USP54: variants seen among roughly 807,000 people sequenced by gnomAD.
The protein encoded by USP54 is ubiquitin carboxyl-terminal hydrolase 54.
USP54 carries 87 observed loss-of-function variants against 170.5 expected under a neutral mutation model. That is an observed-to-expected ratio of 0.51 (90% confidence interval 0.43 to 0.61). The LOEUF (loss-of-function observed/expected upper bound fraction) is 0.61. Among genes scored for constraint, USP54 ranks in the 20% least tolerant of loss-of-function variants. The probability of loss-of-function intolerance (pLI) is 0.00; values close to 1 mark genes in which losing one functional copy is unlikely to be tolerated. For synonymous variants in USP54, 655 were observed against 742.8 expected, an observed-to-expected ratio of 0.88 and a Z score of 1.92; for missense variants, 1,786 against 2,047.8, an observed-to-expected ratio of 0.87 and a Z score of 2.47.
chr10:73,570,554 T>C lies in USP54; in HGVS notation c.240+867A>G, dbSNP rs180736644. ...CATTACTCTCTTTTCCTTTTTCTTT[T>C]TTTTTTTTTTTTTTGAGCCAGGGTC... On this transcript the variant is annotated intron_variant, in intron 4 of 23. Transcript: ENST00000687698. Among the ~76,000 whole-genome samples the C allele has an allele frequency of 3.5e-3, 520 of 147,978 alleles. 5 individuals are homozygous for C. Among genetic ancestry groups the C allele is most frequent in the African/African-American group, 0.012 (486 of 40,766 alleles).
chr10:73,550,541 G>A (rs778377371), intron 4 of USP54, among the ~76,000 whole-genome samples: 2 of 152,026 alleles, frequency 1.3e-5, no homozygotes, highest in Admixed American at 1.3e-4. Flanking sequence ...CCAATATTGA[G>A]AATATAAGAC....
intron 16 of USP54, among the ~76,000 whole-genome samples, chr10:73,524,142 G>A (rs1429062390): frequency 2.0e-5 from 3 of 150,366 alleles, no homozygotes; most frequent in Non-Finnish European, 3.0e-5. Context: ...TCCTGACCTC[G>A]TGATCCACCC....
At chr10:73,595,396 G>A (rs2078644704), upstream of USP54, among the ~76,000 whole-genome samples, 1 of 152,178 alleles carries the variant, frequency 6.6e-6, no homozygotes. Flanking sequence ...TTTCACTCAA[G>A]TATGCATTAC....
chr10:73,517,056 T>G lies in USP54; in HGVS notation c.3370A>C (p.Ser1124Arg). The G allele has an allele frequency of 8.7e-6, 14 of 1,614,220 alleles. No individual in the cohort carries two copies. Among genetic ancestry groups the G allele is most frequent in the Non-Finnish European group, 1.1e-5 (13 of 1,180,046 alleles). Reference sequence around the variant, plus strand: ...AGAGAACGGACAAGCCCCTTTGTGCTGGGAAACTCTGGCCTATAGGTCTCC... The same window carrying G: ...AGAGAACGGACAAGCCCCTTTGTGCGGGGAAACTCTGGCCTATAGGTCTCC... Reference protein sequence around the residue: ...SEETYRPEFPSTKGLVRSLAE... With the variant: ...SEETYRPEFPRTKGLVRSLAE... The change falls in exon 20 of 24, where the codon AGC becomes CGC. Residue 1124 changes from serine (S) to arginine (R), a missense_variant. Coordinates refer to ENST00000687698, the MANE Select transcript of USP54 (RefSeq NM_001391956.1).
At chr10:73,500,918 C>G in intron 22 of USP54, 80 bp from the exon 23 acceptor site, 1 of 1,458,282 alleles carries the variant, frequency 6.9e-7, no homozygotes. Flanking sequence ...CACAGTGAGG[C>G]AAGCAAAGGG....
chr10:73,621,757 T>C (rs1451507500), intron 1 of USP54, among the ~76,000 whole-genome samples: 1 of 152,172 alleles, frequency 6.6e-6, no homozygotes, highest in East Asian at 1.9e-4. Flanking sequence ...AATTGCTTGC[T>C]ACAACTATTT....
intron 4 of USP54, among the ~76,000 whole-genome samples, chr10:73,549,800 T>A (rs982082265): frequency 6.6e-6 from 1 of 152,198 alleles, no homozygotes; most frequent in Non-Finnish European, 1.5e-5. Flanking sequence ...TATGATTTTT[T>A]AAAAATATAA....
Position 73,516,594 on chromosome 10 carries a change from C to T in USP54, c.3832G>A (p.Ala1278Thr). 4 of 1,614,196 alleles carry T rather than the reference C, an allele frequency of 2.5e-6. No homozygotes were observed. The highest frequency in any genetic ancestry group is 3.4e-6 in the Non-Finnish European group (4 of 1,180,044). The change falls in exon 20 of 24, where the codon GCA (alanine) becomes ACA (threonine). Residue 1278 changes from alanine (A) to threonine (T), a missense_variant. Physicochemically the swap from Ala to Thr is moderately conservative, Grantham distance 58. This residue lies in a region of USP54 where 1,418 missense variants were observed against 1,569.0 expected (regional missense o/e 0.90). Coordinates refer to ENST00000687698, the MANE Select transcript of USP54 (RefSeq NM_001391956.1). ...RFCDSQLKHG[A>T]PRPGMKSSPH... ...GAGGACTTCATTCCTGGCCTAGGTGCCCCATGCTTAAGCTGAGAATCACAG... is the reference window on the plus strand; with the variant it reads ...GAGGACTTCATTCCTGGCCTAGGTGTCCCATGCTTAAGCTGAGAATCACAG...
chr10:73,559,926 C>T (rs1229273785), intron 4 of USP54, among the ~76,000 whole-genome samples: 1 of 148,648 alleles, frequency 6.7e-6, no homozygotes, highest in African/African-American at 2.5e-5. Context: ...AAAAATTAGC[C>T]ACCACCTACT....
Position 73,500,710 on chromosome 10 carries a change from G to A in USP54, c.4440C>T (p.Phe1480=), listed in dbSNP as rs771016831. The A allele has an allele frequency of 1.2e-6, 2 of 1,608,486 alleles. No homozygotes were observed. The highest frequency in any genetic ancestry group is 1.1e-5 in the South Asian group (1 of 90,708). ...TGGGCATCAGGACATCTGGGGACAGGAACTGTGGTTGGGGAAGGTAGAGTT... is the reference window on the plus strand; with the variant it reads ...TGGGCATCAGGACATCTGGGGACAGAAACTGTGGTTGGGGAAGGTAGAGTT... ...GPQLYLPQPQ[F]LSPDVLMPTM... The change falls in exon 23 of 24, where the codon TTC becomes TTT. Residue 1480 remains phenylalanine, a synonymous_variant. Coordinates refer to ENST00000687698, the MANE Select transcript of USP54 (RefSeq NM_001391956.1).
intron 1 of USP54, among the ~76,000 whole-genome samples, chr10:73,606,079 G>A (rs2132287373): frequency 6.8e-6 from 1 of 147,464 alleles, no homozygotes; most frequent in African/African-American, 2.5e-5. Context: ...TCGGGAGGCT[G>A]AAGTAGGAGA....
intron 4 of USP54, among the ~76,000 whole-genome samples, chr10:73,559,571 A>G (rs1590384083): frequency 6.6e-6 from 1 of 151,038 alleles, no homozygotes; most frequent in African/African-American, 2.4e-5. Flanking sequence ...AAAAAAAAAA[A>G]AAAAAAATTA....
intron 18 of USP54, chr10:73,520,216 A>T (rs2061686650): frequency 5.0e-6 from 3 of 596,726 alleles, no homozygotes; most frequent in Non-Finnish European, 8.5e-6. Flanking sequence ...AATCCAAATT[A>T]AAAAAACAAA....
At chr10:73,549,013 G>A (rs2068600898) in intron 4 of USP54, among the ~76,000 whole-genome samples, 1 of 151,972 alleles carries the variant, frequency 6.6e-6, no homozygotes, top group Non-Finnish European at 1.5e-5. Context: ...AACCTTGAGT[G>A]GTCAATTCTT....
intron 4 of USP54, among the ~76,000 whole-genome samples, chr10:73,552,559 G>A (rs1312631821): frequency 6.6e-6 from 1 of 152,206 alleles, no homozygotes; most frequent in Non-Finnish European, 1.5e-5. Flanking sequence ...GGGAGGCTGA[G>A]TCGGGAGGAT....
At chr10:73,545,438 G>C in intron 5 of USP54, 100 bp downstream of exon 5, 1 of 1,473,950 alleles carries the variant, frequency 6.8e-7, no homozygotes. Flanking sequence ...TAACTGTAGA[G>C]ATAAGGGCAC....
chr10:73,584,539 C>A (rs2077260128), intron 1 of USP54, among the ~76,000 whole-genome samples: 1 of 152,044 alleles, frequency 6.6e-6, no homozygotes, highest in African/African-American at 2.4e-5. Flanking sequence ...GCTAAATGTG[C>A]GCAGAATGAA....
intron 4 of USP54, among the ~76,000 whole-genome samples, chr10:73,563,066 C>T (rs755762824): frequency 7.9e-5 from 12 of 152,106 alleles, no homozygotes; most frequent in Non-Finnish European, 1.5e-4. Context: ...ATCTTTCCAC[C>T]TCAGCCTCCC....
chr10:73,576,684 C>A (rs1189416393), intron 1 of USP54, among the ~76,000 whole-genome samples: 1 of 152,074 alleles, frequency 6.6e-6, no homozygotes, highest in Non-Finnish European at 1.5e-5. Flanking sequence ...AACAAATCAC[C>A]AAGTAAGCAC....
Sources: allele counts gnomAD v4.1 joint callset (sites outside exome capture counted in the v4.1 genomes callset), GRCh38; gene constraint gnomAD v4.1.1; regional missense constraint gnomAD v4.1.1; transcripts MANE v1.5; gene names NCBI Gene and HGNC (gene_info 2026-07-23, HGNC 2026-07-21).